Variants in FRAS1 observed in about 807,000 individuals in gnomAD.
FRAS1 encodes the protein extracellular matrix organizing protein FRAS1.
Under a neutral mutation model 435.2 loss-of-function variants are expected in FRAS1, and 290 were observed. The ratio of observed to expected loss-of-function variants is 0.67; its 90% CI spans 0.61 to 0.73. The LOEUF (loss-of-function observed/expected upper bound fraction) is 0.73, where lower values mean the gene tolerates loss of function less well. Ranked by LOEUF, FRAS1 falls within the 30% of genes least tolerant of loss-of-function variation. FRAS1 has a pLI of 0.00. For missense variants in FRAS1, 4,860 were observed against 5,001.5 expected (o/e 0.97, Z 0.85); for synonymous variants, 1,800 against 1,851.0 (o/e 0.97, Z 0.71).
intron 2 of FRAS1, among the ~76,000 whole-genome samples, chr4:78,122,290 T>C (rs1049663063): frequency 1.3e-5 from 2 of 152,220 alleles, no homozygotes; most frequent in Admixed American, 1.3e-4. Context: ...TCCATGTCCC[T>C]GCAAAGGACA....
chr4:78,480,730 A>C (rs762730270), intron 56 of FRAS1, among the ~76,000 whole-genome samples: 7 of 152,160 alleles, frequency 4.6e-5, no homozygotes, highest in Non-Finnish European at 8.8e-5. Flanking sequence ...AAAGGTCTTG[A>C]AGTCTTATGT....
rs773407561 is a variant in FRAS1, at chr4:78,308,251, C to A, written c.1678+42C>A. ...GATGCTGACGTGTCCTTTCCTTTTT[C>A]TTTTCCAGCATCTCTTGTTGTATTC... On this transcript the variant is annotated intron_variant, in intron 15 of 73. Transcript: ENST00000512123. The A allele has an allele frequency of 5.0e-6, 8 of 1,589,562 alleles. No homozygotes were observed. The Middle Eastern group carries it at 6.8e-4, about 136-fold the overall frequency.
Position 78,499,853 on chromosome 4 carries a change from C to A in FRAS1, c.9248C>A (p.Thr3083Lys). The A allele has an allele frequency of 1.2e-6, 2 of 1,613,494 alleles. No homozygotes were observed. The highest frequency in any genetic ancestry group is 1.7e-6 in the Non-Finnish European group (2 of 1,179,528). The change falls in exon 61 of 74, where the codon ACG (threonine) becomes AAG (lysine). Residue 3083 changes from threonine (T) to lysine (K), a missense_variant. By Grantham distance (78) the Thr-to-Lys change is moderately conservative. Coordinates refer to ENST00000512123, the MANE Select transcript of FRAS1 (RefSeq NM_025074.7). ...AGGACCTCCAAGGTTCGCTGCAGCA[C>A]GCGGGATGGCTCTGCCCAGTCTGGT... ...QNRTSKVRCS[T>K]RDGSAQSGVD...
chr4:78,524,712 C>T (rs1721481178), intron 69 of FRAS1, among the ~76,000 whole-genome samples: 1 of 151,988 alleles, frequency 6.6e-6, no homozygotes, highest in Non-Finnish European at 1.5e-5. Context: ...GTTCTGGGCA[C>T]CTTGAATATA....
At chr4:78,262,912 CT>C (rs11303056) in intron 6 of FRAS1, among the ~76,000 whole-genome samples, 142,743 of 151,934 alleles carry the variant, frequency 0.94, 67,566 homozygotes, top group Non-Finnish European at 1. Flanking sequence ...GTTGGAACAA[CT>C]TACTCAATTA....
intron 47 of FRAS1, among the ~76,000 whole-genome samples, chr4:78,458,389 CAG>C (rs765261772): frequency 1.3e-5 from 2 of 152,108 alleles, no homozygotes; most frequent in Non-Finnish European, 2.9e-5. Context: ...TTTTATTCAC[CAG>C]ATATAAATAG....
At chr4:78,323,625 A>G (rs912581884) in intron 18 of FRAS1, among the ~76,000 whole-genome samples, 5 of 152,116 alleles carry the variant, frequency 3.3e-5, no homozygotes, top group African/African-American at 1.2e-4. Context: ...CACACCCCCA[A>G]GGGCGCTATT....
intron 29 of FRAS1, among the ~76,000 whole-genome samples, chr4:78,397,903 G>A (rs1259403546): frequency 6.6e-6 from 1 of 152,154 alleles, no homozygotes; most frequent in East Asian, 1.9e-4. Flanking sequence ...GTACTTGGAG[G>A]AGAGTATTAG....
chr4:78,307,975 C>T, intron 14 of FRAS1, 91 bp from the exon 15 acceptor site: 1 of 1,310,200 alleles, frequency 7.6e-7, no homozygotes, highest in Middle Eastern at 1.9e-4. Context: ...CAACTGACAT[C>T]CTCCTTGTGT....
At chr4:78,321,550 A>C (rs11944836) in intron 18 of FRAS1, among the ~76,000 whole-genome samples, 98,858 of 152,078 alleles carry the variant, frequency 0.65, 32,927 homozygotes, top group Non-Finnish European at 0.73. Flanking sequence ...ACCTTTAAAA[A>C]GATTAGAATC....
intron 2 of FRAS1, among the ~76,000 whole-genome samples, chr4:78,091,196 G>C (rs1418713882): frequency 1.3e-5 from 2 of 151,934 alleles, no homozygotes; most frequent in African/African-American, 2.4e-5. Flanking sequence ...CCACCATCTA[G>C]TCTGTCACAA....
At chr4:78,518,524 A>G (rs1477014854) in intron 66 of FRAS1, among the ~76,000 whole-genome samples, 1 of 151,202 alleles carries the variant, frequency 6.6e-6, no homozygotes, top group East Asian at 1.9e-4. Context: ...CTCCCCATTC[A>G]CACACACATA....
At chr4:78,150,548 C>T (rs1448742716) in intron 2 of FRAS1, among the ~76,000 whole-genome samples, 4 of 152,236 alleles carry the variant, frequency 2.6e-5, no homozygotes, top group East Asian at 1.9e-4. Context: ...AATTTCAAAG[C>T]GGAAATACAT....
At chr4:78,113,746 A>G (rs1342035333) in intron 2 of FRAS1, among the ~76,000 whole-genome samples, 3 of 152,116 alleles carry the variant, frequency 2.0e-5, no homozygotes, top group African/African-American at 7.2e-5. Flanking sequence ...TTAGATGAGT[A>G]GATTGCAAAA....
At chr4:78,298,305 A>G (rs796461330) in intron 14 of FRAS1, among the ~76,000 whole-genome samples, 12 of 150,862 alleles carry the variant, frequency 8.0e-5, no homozygotes, top group African/African-American at 2.7e-4. Context: ...GTGTATATAT[A>G]TATATGCACA....
intron 9 of FRAS1, among the ~76,000 whole-genome samples, chr4:78,273,328 T>A (rs1397316702): frequency 6.6e-6 from 1 of 152,226 alleles, no homozygotes; most frequent in Non-Finnish European, 1.5e-5. Flanking sequence ...ATGATTGCCC[T>A]GGTCAGAACT....
chr4:78,071,092 A>C (rs1263544841), intron 2 of FRAS1: 2 of 152,350 alleles, frequency 1.3e-5, no homozygotes, highest in East Asian at 3.9e-4. Flanking sequence ...GACAAAGTGA[A>C]TCACAAGGCA....
At chr4:78,444,023 T>TG (rs1718688127) in intron 41 of FRAS1, 1 of 344,808 alleles carries the variant, frequency 2.9e-6, no homozygotes, top group Non-Finnish European at 5.7e-6. Context: ...AAATTTTTGG[T>TG]GGGGTAATTT....
intron 50 of FRAS1, among the ~76,000 whole-genome samples, chr4:78,467,698 T>C (rs1029216362): frequency 2.0e-5 from 3 of 152,198 alleles, no homozygotes; most frequent in Admixed American, 1.3e-4. Flanking sequence ...CAACAGTGTA[T>C]GAGGGTTCCC....
Sources: allele counts gnomAD v4.1 joint callset (sites outside exome capture counted in the v4.1 genomes callset), GRCh38; gene constraint gnomAD v4.1.1; transcripts MANE v1.5; gene names NCBI Gene and HGNC (gene_info 2026-07-23, HGNC 2026-07-21).